ALDH1L2: variants seen among roughly 807,000 people sequenced by gnomAD.
ALDH1L2 encodes the protein mitochondrial 10-formyltetrahydrofolate dehydrogenase.
A neutral mutation model predicts 111.0 loss-of-function variants in ALDH1L2; 91 were observed. The ratio of observed to expected loss-of-function variants is 0.82; its 90% CI spans 0.69 to 0.98. ALDH1L2 has a LOEUF of 0.98. ALDH1L2 is among the 50% of genes least tolerant of loss of function. The probability of loss-of-function intolerance (pLI) is 0.00; values close to 1 mark genes in which losing one functional copy is unlikely to be tolerated. For missense variants in ALDH1L2, 995 were observed against 1,126.8 expected (o/e 0.88, Z 1.67); for synonymous variants, 374 against 392.6 (o/e 0.95, Z 0.56).
In ALDH1L2 at chr12:105,070,772, A is replaced by T; in HGVS notation, c.226T>A (p.Phe76Ile). ...LAAEKDGTPVFKLPKWRVKGK... is the reference protein window; with the variant it reads ...LAAEKDGTPVIKLPKWRVKGK... Reference sequence around the variant, plus strand: ...TTGACCCTCCATTTAGGAAGCTTGAACACAGGGGTCCCATCTTTCTCTGCA... The same window carrying T: ...TTGACCCTCCATTTAGGAAGCTTGATCACAGGGGTCCCATCTTTCTCTGCA... Residue 76 changes from phenylalanine to isoleucine, a missense_variant, in exon 3 of 23, where the codon TTC becomes ATC. Coordinates refer to ENST00000258494, the MANE Select transcript of ALDH1L2 (RefSeq NM_001034173.4). 6.2e-7 allele frequency: 1 copy of T among 1,614,144 alleles called. No homozygotes were observed.
At chr12:105,036,829 T>C (rs1875183105) in intron 18 of ALDH1L2, among the ~76,000 whole-genome samples, 1 of 152,036 alleles carries the variant, frequency 6.6e-6, no homozygotes, top group Non-Finnish European at 1.5e-5. Flanking sequence ...TTTAAGGTTA[T>C]ATATTCCTAA....
chr12:105,036,918 A>T (rs1875187910), intron 18 of ALDH1L2, among the ~76,000 whole-genome samples: 1 of 152,026 alleles, frequency 6.6e-6, no homozygotes, highest in Non-Finnish European at 1.5e-5. Flanking sequence ...AAACCTCCAG[A>T]TGGTCCATTC....
chr12:105,051,863 C>T (rs1178178333), intron 12 of ALDH1L2, among the ~76,000 whole-genome samples: 2 of 150,466 alleles, frequency 1.3e-5, no homozygotes, highest in Non-Finnish European at 3.0e-5. Flanking sequence ...CGGCTCACTA[C>T]ACCCTCCACC....
chr12:105,021,780 G>A lies in ALDH1L2; in HGVS notation c.*2644C>T, dbSNP rs1874176846. ...TTATTGACAGAAGGCCCATACTGGA[G>A]TTGGGGAGGGTTGTTCATATCTAAT... On this transcript the variant is annotated 3_prime_UTR_variant, in exon 23 of 23. Transcript: ENST00000258494. The A allele has an allele frequency of 6.6e-6, 1 of 152,164 alleles. No homozygotes were observed. The highest frequency in any genetic ancestry group is 1.5e-5 in the Non-Finnish European group (1 of 68,036). 9.4% of individuals were successfully genotyped at this position (152,164 alleles called of 1,614,324 possible).
At chr12:105,033,979 C>T (rs1321284854) in intron 19 of ALDH1L2, among the ~76,000 whole-genome samples, 2 of 152,090 alleles carry the variant, frequency 1.3e-5, no homozygotes, top group African/African-American at 4.8e-5. Context: ...ATCATAAGCA[C>T]ATGTGAAAGT....
At chr12:105,032,122 C>T (rs1415814224) in intron 19 of ALDH1L2, among the ~76,000 whole-genome samples, 188 bp from the exon 20 acceptor site, 4 of 143,738 alleles carry the variant, frequency 2.8e-5, no homozygotes, top group Admixed American at 7.0e-5. Context: ...GTCACTCTGT[C>T]GTCCATGCTG....
At chr12:105,032,195 T>C (rs1214848026) in intron 19 of ALDH1L2, among the ~76,000 whole-genome samples, 1 of 140,192 alleles carries the variant, frequency 7.1e-6, no homozygotes, top group Non-Finnish European at 1.5e-5. Flanking sequence ...TTTTTTTTTT[T>C]GAGGTGGAGT....
At position 105,084,411 on chromosome 12, in the gene ALDH1L2, A is replaced by G. The variant is rs1440411629; in HGVS notation, c.26T>C (p.Leu9Pro). 1 of 1,494,466 alleles carries G rather than the reference A, an allele frequency of 6.7e-7. No individual in the cohort carries two copies. Among genetic ancestry groups the G allele is most frequent in the Admixed American group, 2.2e-5 (1 of 45,114 alleles). 92.6% of individuals were successfully genotyped at this position (1,494,466 alleles called of 1,614,324 possible). The part of the protein sequence containing the change: MLRRGSQA[L>P]RRFSTGRVYF... ...CACCCGGCCAGTGGAGAAGCGCCGG[A>G]GCGCCTGGCTGCCCCGCCGCAGCAT... is the stretch of plus-strand genomic sequence containing the variant. The change falls in exon 1 of 23, where the codon CTC (leucine) becomes CCC (proline). Residue 9 changes from leucine to proline, a missense_variant. By Grantham distance (98) the Leu-to-Pro change is moderately conservative. Coordinates refer to ENST00000258494, the MANE Select transcript of ALDH1L2 (RefSeq NM_001034173.4).
At chr12:105,035,991 T>C (rs187984054) in intron 18 of ALDH1L2, among the ~76,000 whole-genome samples, 2 of 113,022 alleles carry the variant, frequency 1.8e-5, no homozygotes, top group Non-Finnish European at 3.2e-5. Context: ...ATTATATATA[T>C]ACGTATATTT....
intron 18 of ALDH1L2, 58 bp downstream of exon 18, chr12:105,038,045 G>T: frequency 6.9e-7 from 1 of 1,443,418 alleles, no homozygotes; most frequent in Non-Finnish European, 9.7e-7. Flanking sequence ...AGGATTACAG[G>T]CGTGAGCCAC....
At chr12:105,065,397 T>C (rs1341262398) in intron 5 of ALDH1L2, 41 bp from the exon 6 acceptor site, 5 of 1,554,464 alleles carry the variant, frequency 3.2e-6, no homozygotes, top group Non-Finnish European at 4.4e-6. Context: ...CCTATGGCTG[T>C]GAACCTCAAA....
At chr12:105,074,777 T>C (rs1877949995) in intron 1 of ALDH1L2, among the ~76,000 whole-genome samples, 1 of 152,202 alleles carries the variant, frequency 6.6e-6, no homozygotes, top group African/African-American at 2.4e-5. Flanking sequence ...TAACATCCTG[T>C]TTTTAGGAAT....
chr12:105,046,631 T>G (rs967605110), intron 15 of ALDH1L2, 79 bp downstream of exon 15: 9 of 1,271,952 alleles, frequency 7.1e-6, no homozygotes, highest in Non-Finnish European at 9.9e-6. Context: ...TGTTTGCTAT[T>G]TATAAATATA....
intron 21 of ALDH1L2, among the ~76,000 whole-genome samples, chr12:105,028,918 G>T (rs948904604): frequency 6.6e-6 from 1 of 151,944 alleles, no homozygotes; most frequent in Non-Finnish European, 1.5e-5. Context: ...TATGTTTTTA[G>T]GAAGACATAA....
At chr12:105,028,552 G>A (rs1432321571) in intron 21 of ALDH1L2, among the ~76,000 whole-genome samples, 1 of 152,194 alleles carries the variant, frequency 6.6e-6, no homozygotes, top group African/African-American at 2.4e-5. Context: ...AAGGCATCTT[G>A]ACTATCCAAA....
rs747712179 is a variant in ALDH1L2, at chr12:105,049,860, T to A, written c.1686+48A>T. On this transcript the variant is annotated intron_variant, in intron 13 of 22. Coordinates refer to ENST00000258494, the MANE Select transcript of ALDH1L2 (RefSeq NM_001034173.4). ...TGACACAGTGCCTGGTACAAACTAA[T>A]CAATGTTAGTCCCTTTTTCTTTCAG... is the stretch of plus-strand genomic sequence containing the variant. The A allele has an allele frequency of 2.6e-6, 4 of 1,563,814 alleles. No homozygotes were observed. In the Admixed American group the frequency reaches 7.3e-5, roughly 28 times the overall value.
At chr12:105,051,403 C>G (rs1270551055) in intron 12 of ALDH1L2, among the ~76,000 whole-genome samples, 4 of 152,198 alleles carry the variant, frequency 2.6e-5, no homozygotes, top group Non-Finnish European at 5.9e-5. Flanking sequence ...CCATGTCCCT[C>G]CACTGCAGTG....
intron 1 of ALDH1L2, among the ~76,000 whole-genome samples, chr12:105,083,378 C>G (rs1289926791): frequency 7.6e-6 from 1 of 132,152 alleles, no homozygotes; most frequent in Admixed American, 8.9e-5. Context: ...GTAACTAGAA[C>G]TGGTTGCAAA....
chr12:105,065,675 T>C (rs1877308947), intron 5 of ALDH1L2, among the ~76,000 whole-genome samples: 2 of 152,092 alleles, frequency 1.3e-5, no homozygotes, highest in South Asian at 4.1e-4. Flanking sequence ...GGTTGAACTT[T>C]TTTTTGAAGT....
Sources: allele counts gnomAD v4.1 joint callset (sites outside exome capture counted in the v4.1 genomes callset), GRCh38; gene constraint gnomAD v4.1.1; transcripts MANE v1.5; gene names NCBI Gene and HGNC (gene_info 2026-07-23, HGNC 2026-07-21).